The following OSBPL9 variants were observed in gnomAD, a reference collection of about 807,000 sequenced individuals.
OSBPL9 encodes the protein oxysterol-binding protein-related protein 9.
A neutral mutation model predicts 106.6 loss-of-function variants in OSBPL9; 40 were observed. The ratio of observed to expected loss-of-function variants is 0.38; its 90% confidence interval spans 0.29 to 0.49. The LOEUF (loss-of-function observed/expected upper bound fraction) is 0.49, where lower values mean the gene tolerates loss of function less well. OSBPL9 is among the 20% of genes least tolerant of loss of function. The probability of loss-of-function intolerance (pLI) is 0.97; values close to 1 mark genes in which losing one functional copy is unlikely to be tolerated. For synonymous variants in OSBPL9, 269 were observed against 295.4 expected (o/e 0.91, Z 0.92); for missense variants, 609 against 887.2 (o/e 0.69, Z 3.98).
At chr1:51,782,091 A>G (rs1252692200) in intron 16 of OSBPL9, among the ~76,000 whole-genome samples, 1 of 152,190 alleles carries the variant, frequency 6.6e-6, no homozygotes, top group Admixed American at 6.5e-5. Flanking sequence ...TGAGGCTCCA[A>G]CAAATTTAGT....
At chr1:51,640,287 G>T (rs2148672331) in intron 1 of OSBPL9, among the ~76,000 whole-genome samples, 1 of 152,250 alleles carries the variant, frequency 6.6e-6, no homozygotes, top group African/African-American at 2.4e-5. Context: ...ATTGATTGCA[G>T]TATATACTGG....
chr1:51,582,290 T>G (rs184688613), intron 1 of OSBPL9, among the ~76,000 whole-genome samples: 1 of 152,228 alleles, frequency 6.6e-6, no homozygotes, highest in East Asian at 1.9e-4. Context: ...CAAAAGGAAG[T>G]GGTCACATCT....
intron 2 of OSBPL9, among the ~76,000 whole-genome samples, chr1:51,599,324 A>T (rs1645316869): frequency 6.6e-6 from 1 of 152,182 alleles, no homozygotes; most frequent in South Asian, 2.1e-4. Context: ...GTAAGCTGGA[A>T]TCGCTTGTAC....
the OSBPL9 span, among the ~76,000 whole-genome samples, chr1:51,564,186 T>C: frequency 3.9e-5 from 6 of 151,976 alleles, no homozygotes; most frequent in African/African-American, 1.4e-4. Flanking sequence ...ATCATCTATA[T>C]GAAGGTCCAG....
chr1:51,656,816 C>G (rs1191500445), intron 2 of OSBPL9, among the ~76,000 whole-genome samples: 1 of 151,494 alleles, frequency 6.6e-6, no homozygotes, highest in Non-Finnish European at 1.5e-5. Flanking sequence ...TGCACCACCA[C>G]ACCTGGCTAA....
chr1:51,527,271 A>T, the OSBPL9 span, among the ~76,000 whole-genome samples: 1 of 152,214 alleles, frequency 6.6e-6, no homozygotes, highest in Non-Finnish European at 1.5e-5. Context: ...AGCACTTTGC[A>T]TAGTATCTGA....
rs186495637 is a variant in OSBPL9 at position 51,640,966 on chromosome 1, T to G, written c.112-11025T>G. ...ACCTGGCTAATTAAAAAAAATTTTT[T>G]TTTTTAGAGATGGGTTCTCACTATG... On this transcript the variant is annotated intron_variant, in intron 1 of 23. Coordinates refer to ENST00000428468, the MANE Select transcript of OSBPL9 (RefSeq NM_024586.6). Among the ~76,000 whole-genome samples, 3 of 151,954 alleles carry G rather than the reference T, an allele frequency of 2.0e-5. No homozygotes were observed. The East Asian group carries it at 5.8e-4, about 29-fold the overall frequency.
At chr1:51,716,302 T>C (rs1331948664) in intron 4 of OSBPL9, among the ~76,000 whole-genome samples, 1 of 152,244 alleles carries the variant, frequency 6.6e-6, no homozygotes, top group African/African-American at 2.4e-5. Flanking sequence ...AACTTCACTC[T>C]AGAGCCAGAA....
At chr1:51,783,737 A>G (rs1447430849) in intron 17 of OSBPL9, among the ~76,000 whole-genome samples, 178 bp from the exon 18 acceptor site, 1 of 152,188 alleles carries the variant, frequency 6.6e-6, no homozygotes, top group East Asian at 1.9e-4. Flanking sequence ...GTGGCTCTGA[A>G]TGAATGCTTG....
chr1:51,769,936 TACATC>T (rs939271931), intron 12 of OSBPL9, among the ~76,000 whole-genome samples: 1 of 152,200 alleles, frequency 6.6e-6, no homozygotes, highest in African/African-American at 2.4e-5. Flanking sequence ...TATTTTGAGA[TACATC>T]ACAGAGGCAC....
At chr1:51,738,510 T>G (rs1183770847) in intron 4 of OSBPL9, among the ~76,000 whole-genome samples, 1 of 152,052 alleles carries the variant, frequency 6.6e-6, no homozygotes. Context: ...ACCAAGGTAA[T>G]AATTAAGTAC....
chr1:51,653,417 A>G (rs887530612), intron 2 of OSBPL9, among the ~76,000 whole-genome samples: 5 of 152,130 alleles, frequency 3.3e-5, no homozygotes, highest in African/African-American at 1.2e-4. Flanking sequence ...TGTTACAGTT[A>G]ATCCACTGGT....
rs1209942397 is a variant in OSBPL9, at chr1:51,786,059, C to T, written c.1908+173C>T. The T allele has an allele frequency of 5.0e-5, 30 of 602,478 alleles. No individual in the cohort carries two copies. The East Asian group carries it at 9.4e-4, about 19-fold the overall frequency. 37.3% of individuals were successfully genotyped at this position (602,478 alleles called of 1,614,324 possible). A position where few individuals can be genotyped will look rare whatever the true frequency, so the allele number is the denominator to read the frequency against. Reference sequence around the variant, plus strand: ...GTCATCTCTTCAGGGCAAGCTTTTTCTTTCCTTCCCCCACCTTCTCCCAGC... The same window carrying T: ...GTCATCTCTTCAGGGCAAGCTTTTTTTTTCCTTCCCCCACCTTCTCCCAGC... On this transcript the variant is annotated intron_variant, in intron 21 of 23. Coordinates refer to ENST00000428468, the MANE Select transcript of OSBPL9 (RefSeq NM_024586.6).
intron 1 of OSBPL9, among the ~76,000 whole-genome samples, chr1:51,594,260 A>G (rs778212438): frequency 4.6e-5 from 7 of 151,998 alleles, no homozygotes; most frequent in Non-Finnish European, 1.0e-4. Context: ...ATAAATAAAT[A>G]AATAGCCGGG....
At chr1:51,522,783 T>C in the OSBPL9 span, among the ~76,000 whole-genome samples, 1 of 152,306 alleles carries the variant, frequency 6.6e-6, no homozygotes, top group South Asian at 2.1e-4. Context: ...ATCTACTTTG[T>C]ATGGATGGTT....
intron 4 of OSBPL9, among the ~76,000 whole-genome samples, chr1:51,740,395 TA>T (rs1007532628): frequency 5.3e-5 from 8 of 151,200 alleles, no homozygotes; most frequent in East Asian, 1.9e-4. Flanking sequence ...TTTTACTAAT[TA>T]AAAAAAAATG....
At chr1:51,646,693 C>T (rs186533119) in intron 1 of OSBPL9, among the ~76,000 whole-genome samples, 4 of 152,154 alleles carry the variant, frequency 2.6e-5, no homozygotes, top group African/African-American at 7.2e-5. Flanking sequence ...GCCCACCACT[C>T]CCAGCTAATT....
At chr1:51,623,758 G>A (rs748808512) in intron 1 of OSBPL9, among the ~76,000 whole-genome samples, 16 of 152,086 alleles carry the variant, frequency 1.1e-4, no homozygotes, top group Non-Finnish European at 1.6e-4. Flanking sequence ...TTTTTGAATA[G>A]CTTAAATGTA....
chr1:51,526,779 T>C, the OSBPL9 span, among the ~76,000 whole-genome samples: 1 of 152,108 alleles, frequency 6.6e-6, no homozygotes, highest in African/African-American at 2.4e-5. Flanking sequence ...GGAGTCTCGC[T>C]CTGTCACCAG....
Sources: allele counts gnomAD v4.1 joint callset (sites outside exome capture counted in the v4.1 genomes callset), GRCh38; gene constraint gnomAD v4.1.1; transcripts MANE v1.5; gene names NCBI Gene and HGNC (gene_info 2026-07-23, HGNC 2026-07-21).